SMIM14: variants seen among roughly 807,000 people sequenced by gnomAD.
SMIM14 encodes the protein chromosome 4 open reading frame 34.
A neutral mutation model predicts 12.6 loss-of-function variants in SMIM14; 5 were observed. The ratio of observed to expected loss-of-function variants is 0.40; its 90% CI spans 0.21 to 0.83. The LOEUF (loss-of-function observed/expected upper bound fraction) is 0.83, where lower values mean the gene tolerates loss of function less well. Ranked by LOEUF, SMIM14 falls within the 40% of genes least tolerant of loss-of-function variation. SMIM14 has a pLI of 0.37. For missense variants in SMIM14, 86 were observed against 119.1 expected (o/e 0.72, Z 1.29); for synonymous variants, 30 against 40.1 (o/e 0.75, Z 0.95).
intron 1 of SMIM14, among the ~76,000 whole-genome samples, chr4:39,616,613 A>G (rs558923824): frequency 4.9e-4 from 74 of 150,214 alleles, no homozygotes; most frequent in Non-Finnish European, 1.5e-4. Flanking sequence ...TATCTTCTCT[A>G]TACATCTTCC....
At position 39,614,157 on chromosome 4, in the gene SMIM14, C is replaced by T. The variant is rs575006743; in HGVS notation, c.-35-8977G>A. On this transcript the variant is annotated intron_variant, in intron 1 of 4. Coordinates refer to ENST00000295958, the MANE Select transcript of SMIM14 (RefSeq NM_174921.3). ...CCGAGATGGCACCATTGCACTCCAG[C>T]CTGGGCAACAAGAGCGAAACTCCAT... is the stretch of plus-strand genomic sequence containing the variant. Among the ~76,000 whole-genome samples the T allele has an allele frequency of 7.0e-5, 10 of 143,398 alleles. No individual in the cohort carries two copies. The South Asian group carries it at 2.2e-3, about 32-fold the overall frequency. 94.1% of individuals were successfully genotyped at this position (143,398 alleles called of 152,430 possible).
chr4:39,571,027 T>C (rs1317071516), intron 3 of SMIM14, among the ~76,000 whole-genome samples: 2 of 152,134 alleles, frequency 1.3e-5, no homozygotes, highest in Non-Finnish European at 2.9e-5. Context: ...CCTTAAAGCA[T>C]CTCTCAAAAT....
chr4:39,618,457 G>C (rs1220488161), intron 1 of SMIM14, among the ~76,000 whole-genome samples: 1 of 151,906 alleles, frequency 6.6e-6, no homozygotes, highest in Non-Finnish European at 1.5e-5. Flanking sequence ...GATCAGCCTG[G>C]CCAAGATGGT....
intron 2 of SMIM14, among the ~76,000 whole-genome samples, chr4:39,576,688 T>A (rs200634453): frequency 0.14 from 622 of 4,506 alleles, 1 homozygote; most frequent in East Asian, 0.21. Context: ...ATATATATTT[T>A]TTTTTTTTTT....
At position 39,621,870 on chromosome 4, in the gene SMIM14, C is replaced by CG. The variant is rs1201406200; in HGVS notation, c.-35-16691dup. Among the ~76,000 whole-genome samples the CG allele has an allele frequency of 4.1e-5, 6 of 147,792 alleles. No individual in the cohort carries two copies. In the South Asian group the frequency reaches 1.1e-3, roughly 26 times the overall value. ...GGCTTTTTTTTTTTTTAAGTAGAGACGGGGTCTCATTATGTTTCTCAGGCT... is the reference window on the plus strand; with the variant it reads ...GGCTTTTTTTTTTTTTAAGTAGAGACGGGGGTCTCATTATGTTTCTCAGGCT... On this transcript the variant is annotated intron_variant, in intron 1 of 4. Transcript: ENST00000295958.
chr4:39,605,029 A>T, intron 2 of SMIM14, 42 bp downstream of exon 2: 1 of 1,202,568 alleles, frequency 8.3e-7, no homozygotes. Flanking sequence ...GATACAAGGG[A>T]TACAGATCAG....
chr4:39,628,306 C>CAA (rs1212530043), intron 1 of SMIM14, among the ~76,000 whole-genome samples: 5 of 70,274 alleles, frequency 7.1e-5, no homozygotes, highest in Admixed American at 1.6e-4. Flanking sequence ...GACTCCATCA[C>CAA]AAAAAAAAAA....
At chr4:39,590,022 C>CAAAAAAAAAA (rs34159677) in intron 2 of SMIM14, among the ~76,000 whole-genome samples, 5 of 71,324 alleles carry the variant, frequency 7.0e-5, no homozygotes, top group Non-Finnish European at 1.0e-4. Context: ...GACTCTGTTT[C>CAAAAAAAAAA]AAAAAAAAAA....
At chr4:39,627,630 C>T (rs1489644280) in intron 1 of SMIM14, among the ~76,000 whole-genome samples, 2 of 152,154 alleles carry the variant, frequency 1.3e-5, no homozygotes, top group African/African-American at 4.8e-5. Flanking sequence ...GTATCTTTAA[C>T]CCTTAGCCCA....
intron 2 of SMIM14, 152 bp downstream of exon 2, chr4:39,604,919 A>G: frequency 1.7e-6 from 1 of 593,022 alleles, no homozygotes; most frequent in Non-Finnish European, 2.9e-6. Flanking sequence ...TCACATTTTA[A>G]TCATTACAAC....
At chr4:39,600,813 G>A (rs1714581687) in intron 2 of SMIM14, among the ~76,000 whole-genome samples, 1 of 152,168 alleles carries the variant, frequency 6.6e-6, no homozygotes, top group African/African-American at 2.4e-5. Context: ...GGACGTTGCA[G>A]TGAGCAGAGA....
At chr4:39,608,466 T>TA (rs1484192482) in intron 1 of SMIM14, among the ~76,000 whole-genome samples, 1 of 152,188 alleles carries the variant, frequency 6.6e-6, no homozygotes, top group Non-Finnish European at 1.5e-5. Context: ...TATTCAGCTG[T>TA]AAAAAGGAAT....
chr4:39,575,079 GTTTTTTTTT>G (rs372419357), intron 2 of SMIM14, among the ~76,000 whole-genome samples: 1 of 125,458 alleles, frequency 8.0e-6, no homozygotes, highest in Non-Finnish European at 1.7e-5. Flanking sequence ...CGAGAAAATA[GTTTTTTTTT>G]TTTTTTTTTT....
At chr4:39,593,613 T>C (rs573415141) in intron 2 of SMIM14, 7 of 152,280 alleles carry the variant, frequency 4.6e-5, no homozygotes, top group African/African-American at 1.4e-4. Context: ...AGTCAAATTG[T>C]CCCTGTTTGC....
At chr4:39,634,950 G>A (rs1578375038) in intron 1 of SMIM14, among the ~76,000 whole-genome samples, 1 of 152,222 alleles carries the variant, frequency 6.6e-6, no homozygotes, top group African/African-American at 2.4e-5. Flanking sequence ...GAAAAGGACA[G>A]ACAAGGTTCC....
At chr4:39,633,528 T>C (rs1715984772) in intron 1 of SMIM14, among the ~76,000 whole-genome samples, 1 of 152,182 alleles carries the variant, frequency 6.6e-6, no homozygotes, top group Non-Finnish European at 1.5e-5. Context: ...CCCAGCACTT[T>C]GGGAGGTCAA....
chr4:39,556,357 C>T, intron 4 of SMIM14, 71 bp downstream of exon 4: 1 of 1,464,840 alleles, frequency 6.8e-7, no homozygotes, highest in Non-Finnish European at 9.2e-7. Context: ...TTAGTCAAAA[C>T]CAAGTCCTTC....
intron 1 of SMIM14, among the ~76,000 whole-genome samples, chr4:39,613,122 A>G (rs1715095433): frequency 6.6e-6 from 1 of 152,300 alleles, no homozygotes; most frequent in Admixed American, 6.5e-5. Flanking sequence ...CACCCCTAAA[A>G]AAAACAGAGC....
At chr4:39,585,172 T>C (rs1713725351) in intron 2 of SMIM14, among the ~76,000 whole-genome samples, 1 of 151,844 alleles carries the variant, frequency 6.6e-6, no homozygotes, top group Non-Finnish European at 1.5e-5. Flanking sequence ...AAACAAGTAA[T>C]AGTGGCCATG....
Sources: allele counts gnomAD v4.1 joint callset (sites outside exome capture counted in the v4.1 genomes callset), GRCh38; gene constraint gnomAD v4.1.1; transcripts MANE v1.5; gene names NCBI Gene and HGNC (gene_info 2026-07-23, HGNC 2026-07-21).